The following STAG2 variants were observed in gnomAD, a reference collection of about 807,000 sequenced individuals.
The protein encoded by STAG2 is STAG2 cohesin complex component.
STAG2 carries 14 observed loss-of-function variants against 108.1 expected under a neutral mutation model. That is an observed-to-expected ratio of 0.13 (90% confidence interval 0.09 to 0.20). The LOEUF is 0.20. Ranked by LOEUF, STAG2 falls within the 10% of genes least tolerant of loss-of-function variation. The pLI is 1.00. For missense variants in STAG2, 440 were observed against 940.9 expected (o/e 0.47, Z 6.96); for synonymous variants, 307 against 302.7 (o/e 1.01, Z -0.15).
chrX:124,102,590 G>A lies in STAG2; in HGVS notation c.*1993G>A, dbSNP rs1435784554. On this transcript the variant is annotated 3_prime_UTR_variant, in exon 35 of 35. Coordinates refer to ENST00000371145, the MANE Select transcript of STAG2 (RefSeq NM_001042750.2). ...TATTATCACATCTTTTAATGTGTTTGGGGAATAATTTATAGAGAATACCAT... is the reference window on the plus strand; with the variant it reads ...TATTATCACATCTTTTAATGTGTTTAGGGAATAATTTATAGAGAATACCAT... The A allele has an allele frequency of 6.9e-6, 1 of 144,179 alleles. No individual in the cohort carries two copies. The highest frequency in any genetic ancestry group is 8.8e-5 in the Admixed American group (1 of 11,401). The allele number at this position is 144,179 out of a possible 1,213,427, so 11.9% of individuals were successfully genotyped here.
intron 24 of STAG2, 21 bp from the exon 25 acceptor site, chrX:124,071,128 C>CT (rs77366098): frequency 0.068 from 48,340 of 707,491 alleles, no homozygotes; most frequent in Non-Finnish European, 0.075. Flanking sequence ...ATGCTTTCCT[C>CT]TTTTTTTTTT....
At chrX:124,059,239 C>T (rs1273841444) in intron 15 of STAG2, among the ~76,000 whole-genome samples, 2 of 112,210 alleles carry the variant, frequency 1.8e-5, no homozygotes, top group Admixed American at 1.9e-4. Context: ...ATCGCTTGAA[C>T]CGGGGAGGCA....
chrX:124,101,918 A>T lies in STAG2; in HGVS notation c.*1321A>T, dbSNP rs2148540034. On this transcript the variant is annotated 3_prime_UTR_variant, in exon 35 of 35. Transcript: ENST00000371145. Reference sequence around the variant, plus strand: ...TAGGCAGCTAGACATCGTTTAAAACAAAATATTAACTTATATTACATGTGT... The same window carrying T: ...TAGGCAGCTAGACATCGTTTAAAACTAAATATTAACTTATATTACATGTGT... 1 of 161,727 alleles carries T rather than the reference A, an allele frequency of 6.2e-6. No individual in the cohort carries two copies. Among genetic ancestry groups the T allele is most frequent in the South Asian group, 3.2e-4 (1 of 3,147 alleles). 13.3% of individuals were successfully genotyped at this position (161,727 alleles called of 1,213,427 possible). A position where few individuals can be genotyped will look rare whatever the true frequency, so the allele number is the denominator to read the frequency against.
intron 30 of STAG2, among the ~76,000 whole-genome samples, chrX:124,087,964 A>G (rs904093782): frequency 8.9e-6 from 1 of 112,374 alleles, no homozygotes; most frequent in African/African-American, 3.2e-5. Flanking sequence ...CCAACATCAC[A>G]GTTGATGGGG....
chrX:124,058,071 C>A (rs1214892803), intron 15 of STAG2, 94 bp downstream of exon 15: 2 of 387,611 alleles, frequency 5.2e-6, no homozygotes, highest in Non-Finnish European at 4.1e-6. Context: ...CCTTGTAGCA[C>A]AGTAAATTGT....
At chrX:124,065,987 G>A in intron 21 of STAG2, 41 bp downstream of exon 21, 1 of 1,073,776 alleles carries the variant, frequency 9.3e-7, no homozygotes, top group Non-Finnish European at 1.3e-6. Flanking sequence ...TAAATCTGTA[G>A]AAATAAACTT....
intron 13 of STAG2, among the ~76,000 whole-genome samples, chrX:124,055,660 T>C (rs1295792529): frequency 9.8e-6 from 1 of 102,520 alleles, no homozygotes. Flanking sequence ...TTGCATTGCC[T>C]TACATGGTGT....
chrX:123,989,417 T>C (rs2055339904), intron 1 of STAG2, among the ~76,000 whole-genome samples: 2 of 110,992 alleles, frequency 1.8e-5, no homozygotes, highest in South Asian at 7.4e-4. Context: ...CACTTTATTA[T>C]AGTACCTTAT....
Position 124,037,533 on chromosome X carries a change from G to A in STAG2, c.295G>A (p.Val99Ile). 1.7e-6 allele frequency: 2 copies of A among 1,167,890 alleles called. No homozygotes were observed. Among genetic ancestry groups the A allele is most frequent in the Non-Finnish European group, 2.3e-6 (2 of 869,678 alleles). ...KMGKSAMQSVVDDWIESYKHD... is the reference protein window; with the variant it reads ...KMGKSAMQSVIDDWIESYKHD... ...TTTTTTCCCTCTGCTGTAGTCGGTGGTAGATGATTGGATAGAATCATACAA... is the reference window on the plus strand; with the variant it reads ...TTTTTTCCCTCTGCTGTAGTCGGTGATAGATGATTGGATAGAATCATACAA... Residue 99 changes from valine to isoleucine, a missense_variant, in exon 6 of 35, where the codon GTA becomes ATA. Transcript: ENST00000371145.
At position 124,031,105 on chromosome X, in the gene STAG2, A is replaced by G. The variant is rs2148062569; in HGVS notation, c.268A>G (p.Met90Val). Residue 90 changes from methionine to valine, a missense_variant, in exon 5 of 35, where the codon ATG (methionine) becomes GTG (valine). Physicochemically the swap from Met to Val is conservative, Grantham distance 21. Around this residue, in one of 3 missense-constraint regions of STAG2, gnomAD observed 69 missense variants for 254.9 expected, o/e 0.27. Coordinates refer to ENST00000371145, the MANE Select transcript of STAG2 (RefSeq NM_001042750.2). ...CATGATGTTGTTTGAAGTTGTTAAA[A>G]TGGGCAAGAGTGCTATGCAGGTAAG... ...ENMMLFEVVKMGKSAMQSVVD... is the reference protein window; with the variant it reads ...ENMMLFEVVKVGKSAMQSVVD... 1 of 1,209,090 alleles carries G rather than the reference A, an allele frequency of 8.3e-7. No homozygotes were observed. Among genetic ancestry groups the G allele is most frequent in the Non-Finnish European group, 1.1e-6 (1 of 894,479 alleles).
chrX:124,074,964 A>G (rs1183272170), intron 25 of STAG2, among the ~76,000 whole-genome samples: 3 of 112,072 alleles, frequency 2.7e-5, no homozygotes, highest in African/African-American at 9.7e-5. Context: ...CAGTGTAATG[A>G]TATGTCTTAG....
chrX:124,078,838 G>A (rs1378171607), intron 27 of STAG2, among the ~76,000 whole-genome samples: 1 of 108,537 alleles, frequency 9.2e-6, no homozygotes. Context: ...GCATGATGAT[G>A]TGAGCCTATA....
rs769345790 is a variant in STAG2 at position 124,022,761 on chromosome X, C to T, written c.44+90C>T. On this transcript the variant is annotated intron_variant, in intron 3 of 34. Coordinates refer to ENST00000371145, the MANE Select transcript of STAG2 (RefSeq NM_001042750.2). ...AACTTCAGTTAAATTTCCTTCTGCT[C>T]GAGAAGATCTAATATATAAAATAGC... is the stretch of plus-strand genomic sequence containing the variant. The T allele has an allele frequency of 2.6e-5, 15 of 575,688 alleles. No individual in the cohort carries two copies. In the South Asian group the frequency reaches 3.0e-4, roughly 11 times the overall value. The allele number at this position is 575,688 out of a possible 1,213,427, so 47.4% of individuals were successfully genotyped here.
intron 13 of STAG2, among the ~76,000 whole-genome samples, chrX:124,053,374 C>G (rs760499288): frequency 4.5e-5 from 5 of 111,354 alleles, no homozygotes; most frequent in Non-Finnish European, 9.4e-5. Flanking sequence ...GAAAGCTTAC[C>G]TAGGAAAACT....
upstream of STAG2, chrX:123,960,805 A>G (rs1399414726): frequency 9.2e-6 from 1 of 109,190 alleles, no homozygotes; most frequent in Non-Finnish European, 1.9e-5. Context: ...GGCCTGAGAA[A>G]GAAGGAGGAG....
At chrX:124,042,667 T>TACC in intron 7 of STAG2, 22 bp downstream of exon 7, 1 of 1,024,370 alleles carries the variant, frequency 9.8e-7, no homozygotes, top group Non-Finnish European at 1.4e-6. Flanking sequence ...CCTTAAGTGT[T>TACC]TTGATAACTT....
chrX:124,023,112 T>A, intron 3 of STAG2, among the ~76,000 whole-genome samples: 1 of 112,425 alleles, frequency 8.9e-6, no homozygotes. Context: ...AGAAAGTGTT[T>A]TCAACATAGG....
chrX:124,019,968 C>T (rs920418684), intron 1 of STAG2, among the ~76,000 whole-genome samples: 1 of 112,262 alleles, frequency 8.9e-6, no homozygotes, highest in African/African-American at 3.2e-5. Context: ...ACGTATAATA[C>T]GCACATGCGC....
intron 1 of STAG2, among the ~76,000 whole-genome samples, chrX:123,971,092 A>G (rs1167125614): frequency 8.9e-6 from 1 of 111,846 alleles, no homozygotes; most frequent in Non-Finnish European, 1.9e-5. Flanking sequence ...GCATAGGGAG[A>G]CCAAATAACT....
Sources: allele counts gnomAD v4.1 joint callset (sites outside exome capture counted in the v4.1 genomes callset), GRCh38; gene constraint gnomAD v4.1.1; regional missense constraint gnomAD v4.1.1; transcripts MANE v1.5; gene names NCBI Gene and HGNC (gene_info 2026-07-23, HGNC 2026-07-21).